PPP1R35: variants seen among roughly 807,000 people sequenced by gnomAD.
The protein encoded by PPP1R35 is protein phosphatase 1 regulatory subunit 35, also known as UPF0683 protein C7orf47.
Under a neutral mutation model 22.2 loss-of-function variants are expected in PPP1R35, and 23 were observed. The observed-to-expected ratio is 1.04, with a 90% confidence interval of 0.75 to 1.47. The LOEUF is 1.47. PPP1R35 is among the 40% of genes most tolerant of loss of function. The pLI is 0.00. For synonymous variants in PPP1R35, 198 were observed against 165.7 expected, an observed-to-expected ratio of 1.19 and a Z score of -1.50; for missense variants, 409 against 349.6, an observed-to-expected ratio of 1.17 and a Z score of -1.36.
rs762007229 is a variant in PPP1R35 at position 100,435,313 on chromosome 7, T to TA, written c.*46dup. On this transcript the variant is annotated 3_prime_UTR_variant, in exon 4 of 4. Coordinates refer to ENST00000292330, the MANE Select transcript of PPP1R35 (RefSeq NM_145030.4). The stretch of plus-strand genomic sequence containing the variant: ...AGCAAAATTACTTTATTCTAACAAA[T>TA]AGTTTAACACAAAAATACGAACTAG... 2 of 1,541,146 alleles carry TA rather than the reference T, an allele frequency of 1.3e-6. No individual in the cohort carries two copies. Among genetic ancestry groups the TA allele is most frequent in the Non-Finnish European group, 1.7e-6 (2 of 1,147,350 alleles).
chr7:100,436,564 C>T (rs1798902691), upstream of PPP1R35: 2 of 413,070 alleles, frequency 4.8e-6, no homozygotes, highest in Middle Eastern at 6.2e-4. Context: ...GGCGTCATTT[C>T]CCTCGCTCCG....
In PPP1R35 at chr7:100,436,187, C is replaced by T. The variant is rs1798884348; in HGVS notation, c.188G>A (p.Arg63Gln). The change falls in exon 1 of 4, where the codon CGG (arginine) becomes CAG (glutamine). Residue 63 changes from arginine (R) to glutamine (Q), a missense_variant. Physicochemically the swap from Arg to Gln is conservative, Grantham distance 43. Coordinates refer to ENST00000292330, the MANE Select transcript of PPP1R35 (RefSeq NM_145030.4). ...PQPRHGSPGR[R>Q]KGRAERRGAA... Reference sequence around the variant, plus strand: ...GCCCCGCCGCTCCGCCCGCCCCTTCCGCCGCCCGGGGCTGCCGTGCCGCGG... The same window carrying T: ...GCCCCGCCGCTCCGCCCGCCCCTTCTGCCGCCCGGGGCTGCCGTGCCGCGG... 2 of 1,238,852 alleles carry T rather than the reference C, an allele frequency of 1.6e-6. No homozygotes were observed. The highest frequency in any genetic ancestry group is 2.0e-6 in the Non-Finnish European group (2 of 994,196). The allele number at this position is 1,238,852 out of a possible 1,614,324, so 76.7% of individuals were successfully genotyped here.
upstream of PPP1R35, chr7:100,436,598 C>A: frequency 2.5e-6 from 1 of 397,472 alleles, no homozygotes; most frequent in Non-Finnish European, 4.5e-6. Context: ...GGCAGGCTTC[C>A]GCACTCACAG....
rs1318851410 is a variant in PPP1R35, at chr7:100,435,513, TGGCCCA to T, written c.603_608del (p.Gly202_Pro203del). The stretch of plus-strand genomic sequence containing the variant: ...CTGGGTCACACAAGATGGTCATGTC[TGGCCCA>T]GGCCCAGGTGGCTCCTGTTGGGAGG... On this transcript the variant is annotated inframe_deletion, in exon 4 of 4. Coordinates refer to ENST00000292330, the MANE Select transcript of PPP1R35 (RefSeq NM_145030.4). The T allele has an allele frequency of 6.2e-6, 10 of 1,614,138 alleles. No individual in the cohort carries two copies. Among genetic ancestry groups the T allele is most frequent in the South Asian group, 1.1e-5 (1 of 91,084 alleles).
Position 100,435,736 on chromosome 7 carries a change from G to A in PPP1R35, c.483C>T (p.Phe161=). The change falls in exon 3 of 4, where the codon TTC becomes TTT. Residue 161 remains phenylalanine, a synonymous_variant. Transcript: ENST00000292330. ...GLNVPRSKRL[F]RDLVSLQVPE... ...GCACCTGCAGGCTCACCAGGTCCCG[G>A]AAGAGCCGCTTGGAGCGCGGCACGT... is the stretch of plus-strand genomic sequence containing the variant. 6.2e-7 allele frequency: 1 copy of A among 1,602,030 alleles called. No homozygotes were observed. Among genetic ancestry groups the A allele is most frequent in the Non-Finnish European group, 8.5e-7 (1 of 1,177,228 alleles).
upstream of PPP1R35, chr7:100,436,498 A>G: frequency 1.6e-6 from 1 of 635,964 alleles, no homozygotes; most frequent in Non-Finnish European, 2.4e-6. Context: ...GGAAACCGTT[A>G]ACCCTTTCCT....
At position 100,436,365 on chromosome 7, in the gene PPP1R35, C is replaced by G. The variant is rs2131015757; in HGVS notation, c.10G>C (p.Gly4Arg). 5 of 1,492,832 alleles carry G rather than the reference C, an allele frequency of 3.3e-6. No individual in the cohort carries two copies. In the East Asian group the frequency reaches 1.3e-4, roughly 40 times the overall value. 92.5% of individuals were successfully genotyped at this position (1,492,832 alleles called of 1,614,324 possible). Residue 4 changes from glycine to arginine, a missense_variant, in exon 1 of 4, where the codon GGT (glycine) becomes CGT (arginine). By Grantham distance (125) the Gly-to-Arg change is moderately radical (BLOSUM62 -2). Transcript: ENST00000292330. Reference sequence around the variant, plus strand: ...GACTTCAGCTCTGACTCCCCACAACCCATCATCATCTTTGGAGGTGCCTTG... The same window carrying G: ...GACTTCAGCTCTGACTCCCCACAACGCATCATCATCTTTGGAGGTGCCTTG... MMMGCGESELKSAD... is the reference protein window; with the variant it reads MMMRCGESELKSAD...
rs1245758284 is a variant in PPP1R35, at chr7:100,435,466, GGA to G, written c.654_655del (p.Pro219ThrfsTer57). 1 of 1,613,964 alleles carries G rather than the reference GGA, an allele frequency of 6.2e-7. No individual in the cohort carries two copies. The highest frequency in any genetic ancestry group is 8.5e-7 in the Non-Finnish European group (1 of 1,179,980). ...GGGCAGACCGTCCAGGGTCAGGTGT[GGA>G]GATTCATAAAATAGCGTTTCTGGGT... On this transcript the variant is annotated frameshift_variant, in exon 4 of 4. Transcript: ENST00000292330. LOFTEE classifies it high-confidence loss of function.
rs778451970 is a variant in PPP1R35, at chr7:100,435,391, A to G, written c.731T>C (p.Met244Thr). 2 of 1,609,730 alleles carry G rather than the reference A, an allele frequency of 1.2e-6. No homozygotes were observed. Among genetic ancestry groups the G allele is most frequent in the Non-Finnish European group, 1.7e-6 (2 of 1,178,758 alleles). ...TTCCCATCGCCTCAGTGTCCGGTGCATGAGGAAGGTGTCCTCTGAAGGGCG... is the reference window on the plus strand; with the variant it reads ...TTCCCATCGCCTCAGTGTCCGGTGCGTGAGGAAGGTGTCCTCTGAAGGGCG... The part of the protein sequence containing the change: ...RPRPSEDTFL[M>T]HRTLRRWEA Residue 244 changes from methionine to threonine, a missense_variant, in exon 4 of 4, where the codon ATG becomes ACG. Met to Thr is a moderately conservative substitution (Grantham distance 81, BLOSUM62 -1). Coordinates refer to ENST00000292330, the MANE Select transcript of PPP1R35 (RefSeq NM_145030.4).
In PPP1R35 at chr7:100,436,334, T is replaced by A; in HGVS notation, c.41A>T (p.Asp14Val). Reference protein sequence around the residue: ...GCGESELKSADGEEAAAVPGP... With the variant: ...GCGESELKSAVGEEAAAVPGP... ...CGGGACCGCCGCGGCTTCTTCCCCG[T>A]CCGCCGACTTCAGCTCTGACTCCCC... The change falls in exon 1 of 4, where the codon GAC (aspartate) becomes GTC (valine). Residue 14 changes from aspartate to valine, a missense_variant. Asp to Val is a radical substitution (Grantham distance 152). Transcript: ENST00000292330. The A allele has an allele frequency of 7.1e-7, 1 of 1,400,290 alleles. No individual in the cohort carries two copies. 86.7% of individuals were successfully genotyped at this position (1,400,290 alleles called of 1,614,324 possible). A position where few individuals can be genotyped will look rare whatever the true frequency, so the allele number is the denominator to read the frequency against.
chr7:100,436,148 CGCTGCCGAGCCGCGCCCCGCCGCT>C lies in PPP1R35; in HGVS notation c.203_226del (p.Glu68_Arg76delinsGly). On this transcript the variant is annotated inframe_deletion, in exon 1 of 4. Coordinates refer to ENST00000292330, the MANE Select transcript of PPP1R35 (RefSeq NM_145030.4). ...CCAGCCTCCCCCGCTCACCTGCCGCCGCTGCCGAGCCGCGCCCCGCCGCTCCGCCCGCCCCTTCCGCCGCCCGGG... is the reference window on the plus strand; with the variant it reads ...CCAGCCTCCCCCGCTCACCTGCCGCCCCGCCCGCCCCTTCCGCCGCCCGGG... The C allele has an allele frequency of 7.9e-7, 1 of 1,259,460 alleles. No individual in the cohort carries two copies. Among genetic ancestry groups the C allele is most frequent in the Non-Finnish European group, 9.9e-7 (1 of 1,006,950 alleles). 78.0% of individuals were successfully genotyped at this position (1,259,460 alleles called of 1,614,324 possible).
In PPP1R35 at chr7:100,435,738, A is replaced by G; in HGVS notation, c.481T>C (p.Phe161Leu). 2 of 1,602,104 alleles carry G rather than the reference A, an allele frequency of 1.2e-6. No individual in the cohort carries two copies. The highest frequency in any genetic ancestry group is 1.7e-6 in the Non-Finnish European group (2 of 1,177,314). Residue 161 changes from phenylalanine to leucine, a missense_variant, in exon 3 of 4, where the codon TTC becomes CTC. Coordinates refer to ENST00000292330, the MANE Select transcript of PPP1R35 (RefSeq NM_145030.4). ...GLNVPRSKRL[F>L]RDLVSLQVPE... ...ACCTGCAGGCTCACCAGGTCCCGGA[A>G]GAGCCGCTTGGAGCGCGGCACGTTC... is the stretch of plus-strand genomic sequence containing the variant.
At position 100,436,181 on chromosome 7, in the gene PPP1R35, C is replaced by T; in HGVS notation, c.194G>A (p.Gly65Glu). 3.2e-6 allele frequency: 4 copies of T among 1,236,766 alleles called. No homozygotes were observed. Among genetic ancestry groups the T allele is most frequent in the Non-Finnish European group, 4.0e-6 (4 of 993,214 alleles). The allele number at this position is 1,236,766 out of a possible 1,614,324, so 76.6% of individuals were successfully genotyped here. ...PRHGSPGRRKGRAERRGAARQ... is the reference protein window; with the variant it reads ...PRHGSPGRRKERAERRGAARQ... ...AGCCGCGCCCCGCCGCTCCGCCCGCCCCTTCCGCCGCCCGGGGCTGCCGTG... is the reference window on the plus strand; with the variant it reads ...AGCCGCGCCCCGCCGCTCCGCCCGCTCCTTCCGCCGCCCGGGGCTGCCGTG... The change falls in exon 1 of 4, where the codon GGG becomes GAG. Residue 65 changes from glycine (G) to glutamate (E), a missense_variant. Gly to Glu is a moderately conservative substitution (Grantham distance 98). Coordinates refer to ENST00000292330, the MANE Select transcript of PPP1R35 (RefSeq NM_145030.4).
In PPP1R35 at chr7:100,436,493, C is replaced by T. The variant is rs955819943; in HGVS notation, c.-119G>A. 4.4e-5 allele frequency: 31 copies of T among 697,866 alleles called. No individual in the cohort carries two copies. The highest frequency in any genetic ancestry group is 6.1e-5 in the Non-Finnish European group (28 of 461,520). The allele number at this position is 697,866 out of a possible 1,614,324, so 43.2% of individuals were successfully genotyped here. On this transcript the variant is annotated 5_prime_UTR_variant, in exon 1 of 4. Coordinates refer to ENST00000292330, the MANE Select transcript of PPP1R35 (RefSeq NM_145030.4). ...CCCTCCTAGACGCCGCTACCGGAAA[C>T]CGTTAACCCTTTCCTTCGGGGGCGG...
upstream of PPP1R35, chr7:100,436,636 T>C: frequency 5.5e-6 from 2 of 360,700 alleles, no homozygotes; most frequent in Non-Finnish European, 1.0e-5. Context: ...AGCCGAAGTG[T>C]TGGAAGCACT....
Position 100,435,494 on chromosome 7 carries a change from C to G in PPP1R35, c.628G>C (p.Asp210His). ...GATTCATAAAATAGCGTTTCTGGGT[C>G]ACACAAGATGGTCATGTCTGGCCCA... Reference protein sequence around the residue: ...GPGPDMTILCDPETLFYESPH... With the variant: ...GPGPDMTILCHPETLFYESPH... Residue 210 changes from aspartate to histidine, a missense_variant, in exon 4 of 4, where the codon GAC (aspartate) becomes CAC (histidine). Asp to His is a moderately conservative substitution (Grantham distance 81). Transcript: ENST00000292330. The G allele has an allele frequency of 6.2e-7, 1 of 1,614,034 alleles. No homozygotes were observed. The highest frequency in any genetic ancestry group is 1.7e-5 in the Admixed American group (1 of 59,964).
Position 100,435,941 on chromosome 7 carries a change from C to A in PPP1R35, c.358G>T (p.Ala120Ser). ...TTCGCAGCATCAAAGTGGCTCCCGG[C>A]TGCGGCCCGCAGCTCCAGGCCCAAG... ...LALGLELRAA[A>S]GSHFDAAKAV... The change falls in exon 2 of 4, where the codon GCC becomes TCC. Residue 120 changes from alanine to serine, a missense_variant. Physicochemically the swap from Ala to Ser is moderately conservative, Grantham distance 99. Transcript: ENST00000292330. The A allele has an allele frequency of 6.3e-7, 1 of 1,593,314 alleles. No individual in the cohort carries two copies. The highest frequency in any genetic ancestry group is 8.5e-7 in the Non-Finnish European group (1 of 1,175,274).
rs991260539 is a variant in PPP1R35, at chr7:100,435,710, G to A, written c.509C>T (p.Pro170Leu). Residue 170 changes from proline to leucine, a missense_variant, in exon 3 of 4, where the codon CCG becomes CTG. By Grantham distance (98) the Pro-to-Leu change is moderately conservative. Transcript: ENST00000292330. ...CGCGGCATTCAGAACCTGTTCCTCC[G>A]GCACCTGCAGGCTCACCAGGTCCCG... ...LFRDLVSLQVPEEQVLNAALR... is the reference protein window; with the variant it reads ...LFRDLVSLQVLEEQVLNAALR... 3.9e-5 allele frequency: 62 copies of A among 1,603,898 alleles called. No individual in the cohort carries two copies. The highest frequency in any genetic ancestry group is 5.1e-5 in the Non-Finnish European group (60 of 1,177,324).
rs1798837534 is a variant in PPP1R35 at position 100,435,294 on chromosome 7, ATTACT to A, written c.*61_*65del. On this transcript the variant is annotated 3_prime_UTR_variant, in exon 4 of 4. Transcript: ENST00000292330. The stretch of plus-strand genomic sequence containing the variant: ...AAGAAGAGTCCCATTTATTAGCAAA[ATTACT>A]TTATTCTAACAAATAGTTTAACACA... The A allele has an allele frequency of 4.0e-6, 6 of 1,509,942 alleles. No homozygotes were observed. The highest frequency in any genetic ancestry group is 1.3e-5 in the South Asian group (1 of 75,200). 93.5% of individuals were successfully genotyped at this position (1,509,942 alleles called of 1,614,324 possible).
Sources: gnomAD v4.1 joint callset for allele counts on GRCh38, gnomAD v4.1.1 for gene constraint, MANE v1.5 for transcripts, NCBI Gene and HGNC (gene_info 2026-07-23, HGNC 2026-07-21) for gene names.